DDR1: variants seen among roughly 807,000 people sequenced by gnomAD.
DDR1 encodes the protein epithelial discoidin domain-containing receptor 1.
A neutral mutation model predicts 97.4 loss-of-function variants in DDR1; 64 were observed. The observed-to-expected ratio is 0.66, with a 90% CI of 0.54 to 0.81. The LOEUF is 0.81. DDR1 is among the 30% of genes least tolerant of loss of function. DDR1 has a pLI of 0.00. For missense variants in DDR1, 990 were observed against 1,259.6 expected (o/e 0.79, Z 3.24); for synonymous variants, 458 against 503.7 (o/e 0.91, Z 1.21).
At chr6:30,881,461 C>A (rs140867147), upstream of DDR1, 1 of 152,428 alleles carries the variant, frequency 6.6e-6, no homozygotes, top group African/African-American at 2.4e-5. Context: ...CTCCCCGTGT[C>A]CCTTAGCTTC....
rs760263349 is a variant in DDR1 at position 30,900,054 on chromosome 6, G to T, written c.*758G>T. ...AATCACTTGGGGTTTGTACATTTTT[G>T]GGGGGAGAGACACAGATTTTTACAC... On this transcript the variant is annotated 3_prime_UTR_variant, in exon 18 of 18. Coordinates refer to ENST00000376568, the MANE Select transcript of DDR1 (RefSeq NM_001297654.2). The T allele has an allele frequency of 1.7e-6, 1 of 596,198 alleles. No homozygotes were observed. The highest frequency in any genetic ancestry group is 3.3e-6 in the Non-Finnish European group (1 of 307,552). 36.9% of individuals were successfully genotyped at this position (596,198 alleles called of 1,614,324 possible). A position where few individuals can be genotyped will look rare whatever the true frequency, so the allele number is the denominator to read the frequency against.
chr6:30,896,408 C>T (rs1790765507), intron 12 of DDR1, among the ~76,000 whole-genome samples: 1 of 152,038 alleles, frequency 6.6e-6, no homozygotes. Flanking sequence ...TATTCATTGC[C>T]TTGAAAAGCT....
At position 30,899,242 on chromosome 6, in the gene DDR1, A is replaced by T. The variant is rs1160164312; in HGVS notation, c.2688A>T (p.Pro896=). The T allele has an allele frequency of 6.2e-7, 1 of 1,614,070 alleles. No homozygotes were observed. The highest frequency in any genetic ancestry group is 1.1e-5 in the South Asian group (1 of 91,084). The part of the protein sequence containing the change: ...RCWSRESEQR[P]PFSQLHRFLA... ...GGAGCCGGGAGTCTGAGCAGCGACC[A>T]CCCTTTTCCCAGCTGCATCGGTTCC... Residue 896 remains proline, a synonymous_variant, in exon 18 of 18, where the codon CCA becomes CCT. Transcript: ENST00000376568.
Position 30,898,965 on chromosome 6 carries a change from G to C in DDR1, c.2529G>C (p.Gln843His). The stretch of plus-strand genomic sequence containing the variant: ...AGGTGCTGATGCTCTGTAGGGCCCA[G>C]CCCTTTGGGCAGCTCACCGACGAGC... ...LWEVLMLCRA[Q>H]PFGQLTDEQV... The change falls in exon 17 of 18, where the codon CAG becomes CAC. Residue 843 changes from glutamine (Q) to histidine (H), a missense_variant. Transcript: ENST00000376568. 2 of 1,614,186 alleles carry C rather than the reference G, an allele frequency of 1.2e-6. No homozygotes were observed. Among genetic ancestry groups the C allele is most frequent in the Non-Finnish European group, 1.7e-6 (2 of 1,180,022 alleles).
In DDR1 at chr6:30,897,427, A is replaced by C. The variant is rs2267641; in HGVS notation, c.2046A>C (p.Pro682=). ...AGATCATGTCGAGGCTCAAGGACCC[A>C]AACATCATTCGGCTGCTGGGCGTGT... ...EVKIMSRLKD[P]NIIRLLGVCV... The change falls in exon 15 of 18, where the codon CCA becomes CCC. Residue 682 remains proline (P), a synonymous_variant. Transcript: ENST00000376568. The surrounding 1 kb of genome is among the most constrained non-coding windows in gnomAD (Gnocchi z 5.2). The C allele has an allele frequency of 0.18, 296,576 of 1,613,914 alleles. 33,041 individuals carry two copies. The highest frequency in any genetic ancestry group is 0.41 in the East Asian group (18,239 of 44,840).
chr6:30,885,758 T>G (rs1177391994), intron 1 of DDR1: 1 of 1,293,138 alleles, frequency 7.7e-7, no homozygotes, highest in South Asian at 1.2e-5. Context: ...TCAGGGACAC[T>G]GAGAGGTGGG....
In DDR1 at chr6:30,897,654, C is replaced by CCTT; in HGVS notation, c.2216+57_2216+58insCTT. ...GAATTCCCCCAGGGGATCTCCTCCT[C>CCTT]TCCCCTCGCTTCAGCCTGGAGGAAA... On this transcript the variant is annotated intron_variant, in intron 15 of 17. Coordinates refer to ENST00000376568, the MANE Select transcript of DDR1 (RefSeq NM_001297654.2). The surrounding 1 kb of genome is among the most constrained non-coding windows in gnomAD (Gnocchi z 5.2). 7.1e-7 allele frequency: 1 copy of CCTT among 1,407,734 alleles called. No individual in the cohort carries two copies. The highest frequency in any genetic ancestry group is 9.8e-7 in the Non-Finnish European group (1 of 1,022,694). 87.2% of individuals were successfully genotyped at this position (1,407,734 alleles called of 1,614,324 possible). A position where few individuals can be genotyped will look rare whatever the true frequency, so the allele number is the denominator to read the frequency against.
At position 30,891,963 on chromosome 6, in the gene DDR1, C is replaced by A; in HGVS notation, c.666-39C>A. The A allele has an allele frequency of 1.2e-6, 2 of 1,608,344 alleles. No individual in the cohort carries two copies. Among genetic ancestry groups the A allele is most frequent in the South Asian group, 2.2e-5 (2 of 90,882 alleles). The stretch of plus-strand genomic sequence containing the variant: ...AATGCCTGGATGTCAAGACCCTCTT[C>A]CCTTCCAACCTCCTCTTCCTTGGTC... On this transcript the variant is annotated intron_variant, in intron 6 of 17. Coordinates refer to ENST00000376568, the MANE Select transcript of DDR1 (RefSeq NM_001297654.2). This position sits in a 1 kb window ranked among gnomAD's most constrained non-coding sequence, Gnocchi z 5.3.
At position 30,890,966 on chromosome 6, in the gene DDR1, C is replaced by A; in HGVS notation, c.418-7C>A. Reference sequence around the variant, plus strand: ...ATCCCACCCACCCCCTGTTTCCTGGCCCACAGGTGATCTCAGGCAATGAGG... The same window carrying A: ...ATCCCACCCACCCCCTGTTTCCTGGACCACAGGTGATCTCAGGCAATGAGG... On this transcript the variant is annotated splice_polypyrimidine_tract_variant and splice_region_variant and intron_variant, in intron 4 of 17. Coordinates refer to ENST00000376568, the MANE Select transcript of DDR1 (RefSeq NM_001297654.2). The surrounding 1 kb of genome is among the most constrained non-coding windows in gnomAD (Gnocchi z 5.0). The A allele has an allele frequency of 6.3e-7, 1 of 1,591,236 alleles. No homozygotes were observed. Among genetic ancestry groups the A allele is most frequent in the Non-Finnish European group, 8.6e-7 (1 of 1,168,928 alleles).
Position 30,891,558 on chromosome 6 carries a change from AGAGTGTGTG to A in DDR1, c.665+80_665+88del. On this transcript the variant is annotated intron_variant, in intron 6 of 17. Transcript: ENST00000376568. The surrounding 1 kb of genome is among the most constrained non-coding windows in gnomAD (Gnocchi z 5.3). ...GTGTGTGTGTGTGTGTGTGTGTGTGAGAGTGTGTGTGTGTAGGGGGGCTGGTAAGTAGGG... is the reference window on the plus strand; with the variant it reads ...GTGTGTGTGTGTGTGTGTGTGTGTGATGTGTAGGGGGGCTGGTAAGTAGGG... 1 of 895,102 alleles carries A rather than the reference AGAGTGTGTG, an allele frequency of 1.1e-6. No individual in the cohort carries two copies. The highest frequency in any genetic ancestry group is 1.7e-6 in the Non-Finnish European group (1 of 572,260). The allele number at this position is 895,102 out of a possible 1,614,324, so 55.4% of individuals were successfully genotyped here.
rs1787038546 is a variant in DDR1, at chr6:30,889,199, C to T, written c.189-3C>T. The T allele has an allele frequency of 6.2e-7, 1 of 1,612,606 alleles. No individual in the cohort carries two copies. Among genetic ancestry groups the T allele is most frequent in the South Asian group, 1.1e-5 (1 of 91,082 alleles). ...TGTTCTCTGTGCCCCTCTTCACCCT[C>T]AGGTTGGAGAGCAGTGACGGGGATG... On this transcript the variant is annotated splice_polypyrimidine_tract_variant and splice_region_variant and intron_variant, in intron 3 of 17. Transcript: ENST00000376568. This position sits in a 1 kb window ranked among gnomAD's most constrained non-coding sequence, Gnocchi z 4.9.
chr6:30,893,893 G>A (rs1245029954), intron 10 of DDR1, among the ~76,000 whole-genome samples: 2 of 152,188 alleles, frequency 1.3e-5, no homozygotes, highest in Admixed American at 6.5e-5. Flanking sequence ...GAGGGGCAAA[G>A]GGAAGACGTC....
In DDR1 at chr6:30,897,531, A is replaced by G; in HGVS notation, c.2150A>G (p.Gln717Arg). Residue 717 changes from glutamine (Q) to arginine (R), a missense_variant, in exon 15 of 18, where the codon CAG (glutamine) becomes CGG (arginine). By Grantham distance (43) the Gln-to-Arg change is conservative. Coordinates refer to ENST00000376568, the MANE Select transcript of DDR1 (RefSeq NM_001297654.2). The surrounding 1 kb of genome is among the most constrained non-coding windows in gnomAD (Gnocchi z 5.2). ...CTCAACCAGTTCCTCAGTGCCCACC[A>G]GCTGGAGGACAAGGCAGCCGAGGGG... ...GDLNQFLSAH[Q>R]LEDKAAEGAP... 2.5e-6 allele frequency: 4 copies of G among 1,614,110 alleles called. No homozygotes were observed. Among genetic ancestry groups the G allele is most frequent in the South Asian group, 1.1e-5 (1 of 91,078 alleles).
chr6:30,898,794 G>A (rs934283113), intron 16 of DDR1, 94 bp from the exon 17 acceptor site: 1 of 1,385,240 alleles, frequency 7.2e-7, no homozygotes, highest in Non-Finnish European at 1.0e-6. Context: ...CCTGAGTGGA[G>A]CCCAGAGTGG....
rs757290912 is a variant in DDR1 at position 30,900,063 on chromosome 6, GAC to G, written c.*771_*772del. The stretch of plus-strand genomic sequence containing the variant: ...GGGTTTGTACATTTTTGGGGGGAGA[GAC>G]ACAGATTTTTACACTAATATATGGA... On this transcript the variant is annotated 3_prime_UTR_variant, in exon 18 of 18. Transcript: ENST00000376568. 53 of 596,612 alleles carry G rather than the reference GAC, an allele frequency of 8.9e-5. No individual in the cohort carries two copies. In the Admixed American group the frequency reaches 9.3e-4, roughly 10 times the overall value. The allele number at this position is 596,612 out of a possible 1,614,324, so 37.0% of individuals were successfully genotyped here.
chr6:30,891,207 T>C lies in DDR1; in HGVS notation c.565+87T>C. 1 of 1,563,916 alleles carries C rather than the reference T, an allele frequency of 6.4e-7. No homozygotes were observed. Among genetic ancestry groups the C allele is most frequent in the South Asian group, 1.2e-5 (1 of 86,756 alleles). On this transcript the variant is annotated intron_variant, in intron 5 of 17. Coordinates refer to ENST00000376568, the MANE Select transcript of DDR1 (RefSeq NM_001297654.2). The surrounding 1 kb of genome is among the most constrained non-coding windows in gnomAD (Gnocchi z 5.3). ...TGGAGAATGGGCATCCAGGATCCCT[T>C]CTCCTGCTGGGAAGCTGTCACTCTG...
rs775586332 is a variant in DDR1 at position 30,897,011 on chromosome 6, C to T, written c.1870-3C>T. The stretch of plus-strand genomic sequence containing the variant: ...CGCCTAGCAAACGAACTTCTTTCTC[C>T]AGGTGCACCTGTGTGAGGTCGACAG... On this transcript the variant is annotated splice_region_variant and splice_polypyrimidine_tract_variant and intron_variant, in intron 13 of 17. Transcript: ENST00000376568. This position sits in a 1 kb window ranked among gnomAD's most constrained non-coding sequence, Gnocchi z 5.2. The T allele has an allele frequency of 8.7e-6, 14 of 1,608,018 alleles. No individual in the cohort carries two copies. Among genetic ancestry groups the T allele is most frequent in the Admixed American group, 3.4e-5 (2 of 59,340 alleles).
rs1469866530 is a variant in DDR1, at chr6:30,900,020, T to C, written c.*724T>C. ...ATCTCTAGTGTAGCTGCCACATTGA[T>C]TTTTCTATAATCACTTGGGGTTTGT... On this transcript the variant is annotated 3_prime_UTR_variant, in exon 18 of 18. Transcript: ENST00000376568. 5.0e-6 allele frequency: 3 copies of C among 594,470 alleles called. No homozygotes were observed. Among genetic ancestry groups the C allele is most frequent in the East Asian group, 3.4e-5 (1 of 29,210 alleles). The allele number at this position is 594,470 out of a possible 1,614,324, so 36.8% of individuals were successfully genotyped here.
At chr6:30,885,724 G>A in intron 1 of DDR1, 1 of 1,298,236 alleles carries the variant, frequency 7.7e-7, no homozygotes. Context: ...TGTTTGCTCT[G>A]TCTCAGAAAC....
Sources: allele counts gnomAD v4.1 joint callset (sites outside exome capture counted in the v4.1 genomes callset), GRCh38; gene constraint gnomAD v4.1.1; non-coding constraint Gnocchi (gnomAD v3.1); transcripts MANE v1.5; gene names NCBI Gene and HGNC (gene_info 2026-07-23, HGNC 2026-07-21).